Variants in TAS2R1 observed in about 807,000 individuals in gnomAD.
TAS2R1 encodes the protein taste 2 receptor member 1.
For missense variants in TAS2R1, 370 were observed against 353.4 expected, an observed-to-expected ratio of 1.05 and a Z score of -0.38; for synonymous variants, 141 against 134.2, an observed-to-expected ratio of 1.05 and a Z score of -0.35.
chr5:9,789,800 T>C, the TAS2R1 span, among the ~76,000 whole-genome samples: 1 of 152,268 alleles, frequency 6.6e-6, no homozygotes, highest in Non-Finnish European at 1.5e-5. Context: ...TGGTAAGTTA[T>C]GCTGTGGCAA....
At chr5:9,690,376 C>A (rs1374076511) in intron 1 of TAS2R1, among the ~76,000 whole-genome samples, 2 of 152,144 alleles carry the variant, frequency 1.3e-5, no homozygotes, top group Non-Finnish European at 2.9e-5. Context: ...GATGGCTGCA[C>A]TGTAAAGCTT....
intron 1 of TAS2R1, among the ~76,000 whole-genome samples, chr5:9,687,945 C>T (rs1319109566): frequency 6.6e-6 from 1 of 152,218 alleles, no homozygotes; most frequent in Admixed American, 6.5e-5. Context: ...TGTGTATACA[C>T]ATTAAATAAA....
chr5:9,677,776 A>G (rs1362303449), intron 1 of TAS2R1, among the ~76,000 whole-genome samples: 1 of 152,232 alleles, frequency 6.6e-6, no homozygotes, highest in Non-Finnish European at 1.5e-5. Flanking sequence ...GTTCCTCACA[A>G]AGCTAAATGT....
At chr5:9,819,873 T>C in the TAS2R1 span, among the ~76,000 whole-genome samples, 1 of 152,106 alleles carries the variant, frequency 6.6e-6, no homozygotes, top group Non-Finnish European at 1.5e-5. Flanking sequence ...TAGGATTGTG[T>C]ACAGCTGCAA....
At chr5:9,746,977 T>C in the TAS2R1 span, among the ~76,000 whole-genome samples, 1 of 152,176 alleles carries the variant, frequency 6.6e-6, no homozygotes, top group South Asian at 2.1e-4. Context: ...GTGTACAGAT[T>C]GAGGACCTAG....
chr5:9,628,928 C>A lies in TAS2R1; in HGVS notation c.*205G>T. ...ACCAGGATATTGAAATTGATGTAATCCATCAACATATGTTGTGCTTTCAAA... is the reference window on the plus strand; with the variant it reads ...ACCAGGATATTGAAATTGATGTAATACATCAACATATGTTGTGCTTTCAAA... On this transcript the variant is annotated 3_prime_UTR_variant, in exon 1 of 1. Transcript: ENST00000382492. The A allele has an allele frequency of 2.2e-6, 1 of 450,028 alleles. No individual in the cohort carries two copies. Among genetic ancestry groups the A allele is most frequent in the Non-Finnish European group, 3.8e-6 (1 of 260,142 alleles). 27.9% of individuals were successfully genotyped at this position (450,028 alleles called of 1,614,324 possible).
At chr5:9,816,245 A>G in the TAS2R1 span, among the ~76,000 whole-genome samples, 6 of 152,184 alleles carry the variant, frequency 3.9e-5, no homozygotes, top group Admixed American at 2.0e-4. Flanking sequence ...TGAACATGCT[A>G]TTAAGTCTTA....
intron 2 of TAS2R1, among the ~76,000 whole-genome samples, chr5:9,649,946 T>C (rs1333695504): frequency 6.6e-6 from 1 of 152,208 alleles, no homozygotes; most frequent in Non-Finnish European, 1.5e-5. Context: ...AAACCAGGTA[T>C]ACTGGTCTGC....
the TAS2R1 span, among the ~76,000 whole-genome samples, chr5:9,898,533 C>G: frequency 6.6e-6 from 1 of 152,206 alleles, no homozygotes; most frequent in Non-Finnish European, 1.5e-5. Context: ...GATGGCACAT[C>G]ACCATGAAAG....
chr5:9,648,900 GA>G (rs369906802), intron 2 of TAS2R1, among the ~76,000 whole-genome samples: 14 of 152,192 alleles, frequency 9.2e-5, no homozygotes, highest in African/African-American at 2.9e-4. Context: ...TTCTCATCTG[GA>G]AAGCCCCTCT....
At chr5:9,668,295 C>G (rs953025368) in intron 1 of TAS2R1, among the ~76,000 whole-genome samples, 15 of 152,124 alleles carry the variant, frequency 9.9e-5, no homozygotes, top group African/African-American at 3.4e-4. Flanking sequence ...TCACTGGCAT[C>G]CCTGAAAGAA....
In TAS2R1 at chr5:9,628,776, C is replaced by G. The variant is rs560646833; in HGVS notation, c.*357G>C. Among the ~76,000 whole-genome samples the G allele has an allele frequency of 6.6e-6, 1 of 152,292 alleles. No individual in the cohort carries two copies. The highest frequency in any genetic ancestry group is 1.9e-4 in the East Asian group (1 of 5,186). On this transcript the variant is annotated 3_prime_UTR_variant, in exon 1 of 1. Coordinates refer to ENST00000382492, the MANE Select transcript of TAS2R1 (RefSeq NM_019599.3). ...TCAAACAAGTGCTTTTCTTTTTCAT[C>G]AAACTTTTAATTTTGAAATAATTGT... is the stretch of plus-strand genomic sequence containing the variant.
At chr5:9,707,887 A>C (rs1363021272) in intron 1 of TAS2R1, among the ~76,000 whole-genome samples, 1 of 151,926 alleles carries the variant, frequency 6.6e-6, no homozygotes, top group Non-Finnish European at 1.5e-5. Context: ...CTAGAACAAC[A>C]CTTTGCTCAC....
At chr5:9,659,279 A>G (rs945184128) in intron 2 of TAS2R1, 1 of 151,970 alleles carries the variant, frequency 6.6e-6, no homozygotes. Flanking sequence ...CTCTCTTGAG[A>G]CTCTGGGACT....
chr5:9,763,759 G>C, the TAS2R1 span, among the ~76,000 whole-genome samples: 2 of 152,264 alleles, frequency 1.3e-5, no homozygotes, highest in South Asian at 2.1e-4. Flanking sequence ...CCAAGAATTA[G>C]AGACATCAAA....
intron 2 of TAS2R1, among the ~76,000 whole-genome samples, chr5:9,636,483 T>C (rs955627034): frequency 7.9e-5 from 12 of 152,126 alleles, no homozygotes; most frequent in Non-Finnish European, 1.6e-4. Flanking sequence ...TTAAGTCCAT[T>C]TTTTCTTTGT....
At chr5:9,666,221 C>T (rs1378489870) in intron 1 of TAS2R1, among the ~76,000 whole-genome samples, 1 of 152,070 alleles carries the variant, frequency 6.6e-6, no homozygotes. Context: ...AGCAGATGCT[C>T]TGACTGGAAG....
chr5:9,888,140 C>T, the TAS2R1 span, among the ~76,000 whole-genome samples: 3 of 152,102 alleles, frequency 2.0e-5, no homozygotes, highest in Non-Finnish European at 4.4e-5. Flanking sequence ...CCCCCATCTG[C>T]ACCATGCCCT....
the TAS2R1 span, among the ~76,000 whole-genome samples, chr5:9,880,991 G>A: frequency 6.6e-6 from 1 of 152,048 alleles, no homozygotes. Flanking sequence ...GAGCCCCTGG[G>A]GAGGAGGAGG....
Sources: gnomAD v4.1 joint callset for allele counts (sites outside exome capture counted in the v4.1 genomes callset) on GRCh38, gnomAD v4.1.1 for gene constraint, MANE v1.5 for transcripts, NCBI Gene and HGNC (gene_info 2026-07-23, HGNC 2026-07-21) for gene names.